Variants in TOX2 observed in about 807,000 individuals in gnomAD.
TOX2 encodes TOX high mobility group box family member 2.
A neutral mutation model predicts 47.4 loss-of-function variants in TOX2; 15 were observed. The ratio of observed to expected loss-of-function variants is 0.32; its 90% CI spans 0.21 to 0.49. TOX2 has a LOEUF of 0.49. Among genes scored for constraint, TOX2 ranks in the 20% least tolerant of loss-of-function variants. The pLI is 0.99. For missense variants in TOX2, 622 were observed against 673.1 expected, an observed-to-expected ratio of 0.92 and a Z score of 0.84; for synonymous variants, 290 against 296.6, an observed-to-expected ratio of 0.98 and a Z score of 0.23.
intron 2 of TOX2, among the ~76,000 whole-genome samples, chr20:43,995,873 T>C (rs893067422): frequency 5.3e-5 from 8 of 152,254 alleles, no homozygotes; most frequent in Non-Finnish European, 1.2e-4. Flanking sequence ...TAGTATTCCA[T>C]GGTGTATATG....
intron 2 of TOX2, among the ~76,000 whole-genome samples, chr20:44,003,312 A>G (rs1274895575): frequency 6.6e-6 from 1 of 151,850 alleles, no homozygotes; most frequent in Non-Finnish European, 1.5e-5. Flanking sequence ...CAGCCCCCGA[A>G]GTAGCTGGGA....
chr20:43,999,801 C>T (rs780838541), intron 2 of TOX2, among the ~76,000 whole-genome samples: 1 of 152,206 alleles, frequency 6.6e-6, no homozygotes, highest in Non-Finnish European at 1.5e-5. Flanking sequence ...CTGGAGGACT[C>T]ACACTTCCCA....
chr20:44,009,918 G>C (rs959815394), intron 3 of TOX2, among the ~76,000 whole-genome samples: 9 of 152,246 alleles, frequency 5.9e-5, no homozygotes, highest in African/African-American at 1.9e-4. Flanking sequence ...GTGGGGTGGT[G>C]GTTGGTCCCA....
In TOX2 at chr20:44,068,855, T is replaced by G; in HGVS notation, c.*169T>G. ...TCTTCCTCAACCTCCCACCAGACTC[T>G]GCAGAGGCAGCCCACTGCCCACCAC... On this transcript the variant is annotated 3_prime_UTR_variant, in exon 9 of 9. Coordinates refer to ENST00000341197, the MANE Select transcript of TOX2 (RefSeq NM_001098797.2). 1 of 926,066 alleles carries G rather than the reference T, an allele frequency of 1.1e-6. No individual in the cohort carries two copies. The highest frequency in any genetic ancestry group is 1.7e-6 in the Non-Finnish European group (1 of 577,956). The allele number at this position is 926,066 out of a possible 1,614,324, so 57.4% of individuals were successfully genotyped here.
At chr20:43,999,793 G>A (rs2070543221) in intron 2 of TOX2, among the ~76,000 whole-genome samples, 1 of 152,186 alleles carries the variant, frequency 6.6e-6, no homozygotes, top group Admixed American at 6.5e-5. Context: ...ATAACAGGCT[G>A]GAGGACTCAC....
Position 43,973,380 on chromosome 20 carries a change from G to C in TOX2, c.113G>C (p.Ser38Thr), listed in dbSNP as rs764152061. The C allele has an allele frequency of 1.9e-6, 3 of 1,614,016 alleles. No individual in the cohort carries two copies. Among genetic ancestry groups the C allele is most frequent in the African/African-American group, 2.7e-5 (2 of 74,934 alleles). The change falls in exon 2 of 9, where the codon AGT becomes ACT. Residue 38 changes from serine (S) to threonine (T), a missense_variant. Physicochemically the swap from Ser to Thr is moderately conservative, Grantham distance 58. This residue lies in a region of TOX2 where 307 missense variants were observed against 327.3 expected (regional missense o/e 0.94). Coordinates refer to ENST00000341197, the MANE Select transcript of TOX2 (RefSeq NM_001098797.2). ...TCTCTATTCTAGTTTGATGGTGACAGTGCCTACGTGGGGATGAGTGACGGA... is the reference window on the plus strand; with the variant it reads ...TCTCTATTCTAGTTTGATGGTGACACTGCCTACGTGGGGATGAGTGACGGA... ...YYHGGKFDGDSAYVGMSDGNP... is the reference protein window; with the variant it reads ...YYHGGKFDGDTAYVGMSDGNP...
At chr20:43,947,126 G>A (rs2069487537) in intron 1 of TOX2, among the ~76,000 whole-genome samples, 1 of 152,168 alleles carries the variant, frequency 6.6e-6, no homozygotes. Context: ...GGAGCCAGCT[G>A]GACACAGAAT....
intron 1 of TOX2, among the ~76,000 whole-genome samples, chr20:43,929,193 GA>G (rs886499371): frequency 1.3e-5 from 2 of 151,908 alleles, no homozygotes; most frequent in South Asian, 2.1e-4. Flanking sequence ...CAAAAACAGG[GA>G]AAAAAACCCC....
At chr20:44,039,026 G>A in intron 3 of TOX2, 4 of 1,227,654 alleles carry the variant, frequency 3.3e-6, no homozygotes, top group South Asian at 1.4e-5. Context: ...GAAGCAGGAG[G>A]CTGGCTTCAC....
chr20:44,034,141 C>T (rs2071201244), intron 3 of TOX2, among the ~76,000 whole-genome samples: 1 of 152,202 alleles, frequency 6.6e-6, no homozygotes, highest in Admixed American at 6.5e-5. Context: ...GAGCTCATCG[C>T]ACTGGCCCAT....
At position 43,915,828 on chromosome 20, in the gene TOX2, CA is replaced by C. The variant is rs1361583045; in HGVS notation, c.99+839del. Among the ~76,000 whole-genome samples, 1 of 152,238 alleles carries C rather than the reference CA, an allele frequency of 6.6e-6. No homozygotes were observed. The highest frequency in any genetic ancestry group is 1.5e-5 in the Non-Finnish European group (1 of 68,042). ...TCCAGGCTGGGGCTGTAGTGCCGGA[CA>C]CCCTCCCTCCTCCATGTTTCCAGGA... On this transcript the variant is annotated intron_variant, in intron 1 of 8. Transcript: ENST00000341197. This position sits in a 1 kb window ranked among gnomAD's most constrained non-coding sequence, Gnocchi z 7.1.
chr20:44,052,423 T>C (rs1335348563), intron 4 of TOX2, among the ~76,000 whole-genome samples: 1 of 152,120 alleles, frequency 6.6e-6, no homozygotes, highest in Non-Finnish European at 1.5e-5. Context: ...AAGACTTATC[T>C]CCCTCCGTGC....
chr20:44,021,711 C>T (rs116992585), intron 3 of TOX2, among the ~76,000 whole-genome samples: 2 of 152,146 alleles, frequency 1.3e-5, no homozygotes, highest in Non-Finnish European at 2.9e-5. Context: ...TCCCTGCAGC[C>T]TCTACCTTCC....
In TOX2 at chr20:43,916,114, A is replaced by C; in HGVS notation, c.99+1124A>C. 1 of 985,466 alleles carries C rather than the reference A, an allele frequency of 1.0e-6. No homozygotes were observed. Among genetic ancestry groups the C allele is most frequent in the Non-Finnish European group, 1.2e-6 (1 of 829,922 alleles). 61.0% of individuals were successfully genotyped at this position (985,466 alleles called of 1,614,324 possible). A position where few individuals can be genotyped will look rare whatever the true frequency, so the allele number is the denominator to read the frequency against. ...GTCGGTCCCGGGCCGGCTGGAGCCA[A>C]GCGCGGGTTTTCGTCACTCGGAGCC... On this transcript the variant is annotated intron_variant, in intron 1 of 8. Transcript: ENST00000341197. The surrounding 1 kb of genome is among the most constrained non-coding windows in gnomAD (Gnocchi z 5.0).
intron 3 of TOX2, among the ~76,000 whole-genome samples, chr20:44,029,309 GCAC>G (rs1201348256): frequency 1.3e-5 from 2 of 152,214 alleles, no homozygotes. Context: ...GTGATAACAA[GCAC>G]CATACCCTTT....
rs1358438826 is a variant in TOX2, at chr20:44,026,250, G to GATATATATATATATATAT, written c.411+19459_411+19460insTATATATATATATATATA. ...TGTGATATATATATATATATATATA[G>GATATATATATATATATAT]ACACACACACACACAATGGAATACT... On this transcript the variant is annotated intron_variant, in intron 3 of 8. Transcript: ENST00000341197. Among the ~76,000 whole-genome samples, 5 of 82,952 alleles carry GATATATATATATATATAT rather than the reference G, an allele frequency of 6.0e-5. 1 individual carries two copies. Among genetic ancestry groups the GATATATATATATATATAT allele is most frequent in the Admixed American group, 1.2e-4 (1 of 8,680 alleles). 54.4% of individuals were successfully genotyped at this position (82,952 alleles called of 152,430 possible). A position where few individuals can be genotyped will look rare whatever the true frequency, so the allele number is the denominator to read the frequency against.
At chr20:44,005,991 G>A (rs2070673359) in intron 2 of TOX2, among the ~76,000 whole-genome samples, 1 of 152,100 alleles carries the variant, frequency 6.6e-6, no homozygotes. Context: ...GGTGACTCCT[G>A]GTTTCTAGCT....
Position 44,069,577 on chromosome 20 carries a change from C to G in TOX2, c.*891C>G, listed in dbSNP as rs919384428. On this transcript the variant is annotated 3_prime_UTR_variant, in exon 9 of 9. Transcript: ENST00000341197. Reference sequence around the variant, plus strand: ...GTCTGTCTTGGTGCCCAGTGCTTCTCTCAAATCTCTTTATAATAAAACTTC... The same window carrying G: ...GTCTGTCTTGGTGCCCAGTGCTTCTGTCAAATCTCTTTATAATAAAACTTC... 6.5e-6 allele frequency: 1 copy of G among 152,756 alleles called. No individual in the cohort carries two copies. Among genetic ancestry groups the G allele is most frequent in the Admixed American group, 6.5e-5 (1 of 15,290 alleles). 9.5% of individuals were successfully genotyped at this position (152,756 alleles called of 1,614,324 possible). A position where few individuals can be genotyped will look rare whatever the true frequency, so the allele number is the denominator to read the frequency against.
At chr20:43,973,483 G>A (rs2070014738) in intron 2 of TOX2, 51 bp downstream of exon 2, 4 of 1,571,456 alleles carry the variant, frequency 2.5e-6, no homozygotes, top group Non-Finnish European at 2.6e-6. Context: ...GGGCTGGCTG[G>A]ATCTGAGCTG....
Sources: gnomAD v4.1 joint callset for allele counts (sites outside exome capture counted in the v4.1 genomes callset) on GRCh38, gnomAD v4.1.1 for gene constraint, gnomAD v4.1.1 regional missense constraint, Gnocchi (gnomAD v3.1) non-coding constraint, MANE v1.5 for transcripts, NCBI Gene and HGNC (gene_info 2026-07-23, HGNC 2026-07-21) for gene names.